Variants in TAGAP observed in about 807,000 individuals in gnomAD.
TAGAP encodes T-cell activation Rho GTPase-activating protein.
Under a neutral mutation model 36.0 loss-of-function variants are expected in TAGAP, and 16 were observed. That is an observed-to-expected ratio of 0.44 (90% CI 0.30 to 0.68). The LOEUF (loss-of-function observed/expected upper bound fraction) is 0.68. Ranked by LOEUF, TAGAP falls within the 30% of genes least tolerant of loss-of-function variation. The pLI, the probability that TAGAP is intolerant of heterozygous loss-of-function variation, is 0.09. For missense variants in TAGAP, 794 were observed against 921.5 expected, an observed-to-expected ratio of 0.86 and a Z score of 1.79; for synonymous variants, 372 against 377.4, an observed-to-expected ratio of 0.99 and a Z score of 0.17.
At chr6:159,038,545 C>T (rs995583230) in intron 8 of TAGAP, among the ~76,000 whole-genome samples, 1 of 151,928 alleles carries the variant, frequency 6.6e-6, no homozygotes, top group Non-Finnish European at 1.5e-5. Context: ...CCCGCCACCA[C>T]GCCTGGCTAA....
intron 8 of TAGAP, among the ~76,000 whole-genome samples, chr6:159,038,514 G>A (rs539623304): frequency 7.9e-5 from 12 of 151,528 alleles, no homozygotes; most frequent in East Asian, 1.9e-4. Flanking sequence ...TCAGCCTTCC[G>A]AGCAGCTGGG....
rs1161534364 is a variant in TAGAP, at chr6:159,044,141, C to G, written c.6G>C (p.Lys2Asn). ...TCACAGCATTGTGGCTGCTTCTCAGCTTCATCAGTATTGCGGCTGACTGTC... is the reference window on the plus strand; with the variant it reads ...TCACAGCATTGTGGCTGCTTCTCAGGTTCATCAGTATTGCGGCTGACTGTC... M[K>N]LRSSHNASKT... The change falls in exon 2 of 10, where the codon AAG (lysine) becomes AAC (asparagine). Residue 2 changes from lysine to asparagine, a missense_variant. Transcript: ENST00000367066. 1.9e-6 allele frequency: 3 copies of G among 1,613,706 alleles called. No homozygotes were observed. Among genetic ancestry groups the G allele is most frequent in the African/African-American group, 1.3e-5 (1 of 74,900 alleles).
intron 6 of TAGAP, 89 bp from the exon 7 acceptor site, chr6:159,040,921 T>C (rs760009713): frequency 1.1e-6 from 1 of 944,422 alleles, no homozygotes. Context: ...CATCGCAGGG[T>C]GCTCTATGCT....
chr6:159,042,419 A>C (rs1583780292), intron 4 of TAGAP, 175 bp from the exon 5 acceptor site: 3 of 1,383,538 alleles, frequency 2.2e-6, no homozygotes, highest in Non-Finnish European at 9.4e-7. Context: ...ATCTAGAAAA[A>C]CCAACCGATA....
intron 8 of TAGAP, 77 bp downstream of exon 8, chr6:159,039,037 G>A (rs1779657038): frequency 3.7e-6 from 6 of 1,603,214 alleles, no homozygotes; most frequent in Admixed American, 3.3e-5. Context: ...ACATTCTGAA[G>A]CATTTTATTG....
At chr6:159,043,321 C>T (rs963111284) in intron 4 of TAGAP, among the ~76,000 whole-genome samples, 2 of 152,124 alleles carry the variant, frequency 1.3e-5, no homozygotes, top group African/African-American at 4.8e-5. Flanking sequence ...TGCTAATTGT[C>T]GAAACATACA....
At chr6:159,038,346 T>G in intron 8 of TAGAP, 118 bp from the exon 9 acceptor site, 1 of 606,384 alleles carries the variant, frequency 1.6e-6, no homozygotes, top group Non-Finnish European at 2.9e-6. Context: ...ATCTGAGATC[T>G]TTATGTGTCT....
In TAGAP at chr6:159,035,875, C is replaced by T. The variant is rs1242450698; in HGVS notation, c.2148G>A (p.Pro716=). The change falls in exon 10 of 10, where the codon CCG becomes CCA. Residue 716 remains proline (P), a synonymous_variant. Coordinates refer to ENST00000367066, the MANE Select transcript of TAGAP (RefSeq NM_054114.5). ...ATTGGAATTGGTCAGCCTCAAAGAC[C>T]GGCTGGCTACATCGTCGCACGAGAC... is the stretch of plus-strand genomic sequence containing the variant. The part of the protein sequence containing the change: ...RDCLVRRCSQ[P]VFEADQFQYA... 3.1e-6 allele frequency: 5 copies of T among 1,610,544 alleles called. No homozygotes were observed. The highest frequency in any genetic ancestry group is 1.7e-5 in the Admixed American group (1 of 59,946).
chr6:159,040,915 G>T (rs774909005), intron 6 of TAGAP, 83 bp from the exon 7 acceptor site: 29 of 1,043,368 alleles, frequency 2.8e-5, no homozygotes, highest in African/African-American at 1.1e-4. Context: ...TCGTTCCATC[G>T]CAGGGTGCTC....
Position 159,036,076 on chromosome 6 carries a change from C to T in TAGAP, c.1947G>A (p.Arg649=). ...PAHHVEDSRH[R]GSKEPLPGHG... is the part of the protein sequence containing the mutation. ...GGCCAGGGAGTGGCTCTTTGCTGCC[C>T]CTGTGTCTTGAGTCCTCTACGTGGT... The change falls in exon 10 of 10, where the codon AGG becomes AGA. Residue 649 remains arginine, a synonymous_variant. Transcript: ENST00000367066. The surrounding 1 kb of genome is among the most constrained non-coding windows in gnomAD (Gnocchi z 4.9). The T allele has an allele frequency of 6.2e-7, 1 of 1,613,410 alleles. No homozygotes were observed. Among genetic ancestry groups the T allele is most frequent in the Non-Finnish European group, 8.5e-7 (1 of 1,179,452 alleles).
rs1779592616 is a variant in TAGAP, at chr6:159,037,557, A to T, written c.899-433T>A. On this transcript the variant is annotated intron_variant, in intron 9 of 9. Coordinates refer to ENST00000367066, the MANE Select transcript of TAGAP (RefSeq NM_054114.5). The surrounding 1 kb of genome is among the most constrained non-coding windows in gnomAD (Gnocchi z 5.1). Reference sequence around the variant, plus strand: ...CTCATACCAATCAGGGCACTAGGTGATTTATTAGCAGAACTACTTAGGGGC... The same window carrying T: ...CTCATACCAATCAGGGCACTAGGTGTTTTATTAGCAGAACTACTTAGGGGC... Among the ~76,000 whole-genome samples, 1 of 152,174 alleles carries T rather than the reference A, an allele frequency of 6.6e-6. No individual in the cohort carries two copies. The highest frequency in any genetic ancestry group is 2.4e-5 in the African/African-American group (1 of 41,426).
At position 159,044,972 on chromosome 6, in the gene TAGAP, G is replaced by GGA. The variant is rs1206374542; in HGVS notation, c.-154_-153dup. On this transcript the variant is annotated 5_prime_UTR_variant, in exon 1 of 10. Transcript: ENST00000367066. ...ACTCTCTGCTCCTTCTAGTCCACTG[G>GGA]GAGAGAGAGAGACCGAGCCGGTCTC... The GGA allele has an allele frequency of 3.3e-5, 13 of 392,808 alleles. No individual in the cohort carries two copies. Among genetic ancestry groups the GGA allele is most frequent in the Middle Eastern group, 6.3e-4 (1 of 1,592 alleles). The allele number at this position is 392,808 out of a possible 1,614,324, so 24.3% of individuals were successfully genotyped here.
At position 159,042,110 on chromosome 6, in the gene TAGAP, C is replaced by T. The variant is rs771175774; in HGVS notation, c.283G>A (p.Gly95Ser). 89 of 1,614,016 alleles carry T rather than the reference C, an allele frequency of 5.5e-5. 1 individual carries two copies. The highest frequency in any genetic ancestry group is 2.6e-4 in the South Asian group (24 of 91,084). ...GGTCTGGGGAGTGTGTCACTGTCAC[C>T]GCAGATAATTGACAAGGGCTGATCA... ...LFDQPLSIIC[G>S]DSDTLPRPIQ... The change falls in exon 5 of 10, where the codon GGT becomes AGT. Residue 95 changes from glycine (G) to serine (S), a missense_variant. By Grantham distance (56) the Gly-to-Ser change is moderately conservative. Coordinates refer to ENST00000367066, the MANE Select transcript of TAGAP (RefSeq NM_054114.5).
In TAGAP at chr6:159,041,574, A is replaced by G. The variant is rs1478945841; in HGVS notation, c.316-59T>C. ...TACCCTTCTTCTTTAGTATACTGAG[A>G]TAGTCTTAACAGGAATATTGATGTC... is the stretch of plus-strand genomic sequence containing the variant. On this transcript the variant is annotated intron_variant, in intron 5 of 9. Transcript: ENST00000367066. The surrounding 1 kb of genome is among the most constrained non-coding windows in gnomAD (Gnocchi z 4.1). The G allele has an allele frequency of 3.2e-6, 5 of 1,540,732 alleles. No individual in the cohort carries two copies. Among genetic ancestry groups the G allele is most frequent in the Non-Finnish European group, 4.4e-6 (5 of 1,140,294 alleles).
Position 159,036,596 on chromosome 6 carries a change from G to C in TAGAP, c.1427C>G (p.Ser476Cys). The change falls in exon 10 of 10, where the codon TCT becomes TGT. Residue 476 changes from serine to cysteine, a missense_variant. By Grantham distance (112) the Ser-to-Cys change is moderately radical. Coordinates refer to ENST00000367066, the MANE Select transcript of TAGAP (RefSeq NM_054114.5). The surrounding 1 kb of genome is among the most constrained non-coding windows in gnomAD (Gnocchi z 4.9). ...GAAATTTCTTTTGGGACTGGAAGGA[G>C]AAGCCACGGGCGAGCTGTCAGAGGA... ...DASSDSSPVA[S>C]PSSPKRNFFS... is the part of the protein sequence containing the mutation. The C allele has an allele frequency of 6.2e-7, 1 of 1,614,158 alleles. No homozygotes were observed. Among genetic ancestry groups the C allele is most frequent in the African/African-American group, 1.3e-5 (1 of 75,026 alleles).
rs1779721806 is a variant in TAGAP at position 159,040,844 on chromosome 6, G to C, written c.478-12C>G. 1.9e-6 allele frequency: 3 copies of C among 1,608,198 alleles called. No homozygotes were observed. Among genetic ancestry groups the C allele is most frequent in the Non-Finnish European group, 1.7e-6 (2 of 1,174,622 alleles). On this transcript the variant is annotated splice_polypyrimidine_tract_variant and intron_variant, in intron 6 of 9. Transcript: ENST00000367066. ...CTTCTGAGGAAGTCCTGGGGGATGA[G>C]AGTGGGCTGTTGGCCTATTGGTACT...
chr6:159,043,224 A>G (rs1779818319), intron 4 of TAGAP, among the ~76,000 whole-genome samples: 1 of 152,232 alleles, frequency 6.6e-6, no homozygotes, highest in Non-Finnish European at 1.5e-5. Flanking sequence ...GAGATCAGCA[A>G]CAGTTGCTTC....
chr6:159,038,546 G>A (rs1211207814), intron 8 of TAGAP, among the ~76,000 whole-genome samples: 1 of 151,762 alleles, frequency 6.6e-6, no homozygotes, highest in Non-Finnish European at 1.5e-5. Context: ...CCGCCACCAC[G>A]CCTGGCTAAT....
intron 8 of TAGAP, chr6:159,038,850 AG>A (rs1231238165): frequency 1.5e-6 from 2 of 1,305,660 alleles, no homozygotes; most frequent in Non-Finnish European, 9.9e-7. Flanking sequence ...CAAAAACAAA[AG>A]GGCTTTTTTA....
Sources: allele counts gnomAD v4.1 joint callset (sites outside exome capture counted in the v4.1 genomes callset), GRCh38; gene constraint gnomAD v4.1.1; non-coding constraint Gnocchi (gnomAD v3.1); transcripts MANE v1.5; gene names NCBI Gene and HGNC (gene_info 2026-07-23, HGNC 2026-07-21).